ANKRD30B: variants seen among roughly 807,000 people sequenced by gnomAD.
ANKRD30B encodes ankyrin repeat domain-containing protein 30B.
In ANKRD30B, 144 loss-of-function variants were observed where a neutral mutation model predicts 202.2. The observed-to-expected ratio is 0.71, with a 90% CI of 0.62 to 0.82. The LOEUF (loss-of-function observed/expected upper bound fraction) is 0.82. ANKRD30B is among the 40% of genes least tolerant of loss of function. The probability of loss-of-function intolerance (pLI) is 0.00; values close to 1 mark genes in which losing one functional copy is unlikely to be tolerated. For missense variants in ANKRD30B, 1,487 were observed against 1,669.1 expected (o/e 0.89, Z 1.90); for synonymous variants, 508 against 561.3 (o/e 0.91, Z 1.34).
At chr18:14,876,471 T>C in the ANKRD30B span, among the ~76,000 whole-genome samples, 2 of 152,284 alleles carry the variant, frequency 1.3e-5, no homozygotes, top group Non-Finnish European at 2.9e-5. Context: ...TAGCCACAAG[T>C]GATACAACTA....
At chr18:14,794,279 C>T (rs1334825975) in intron 16 of ANKRD30B, among the ~76,000 whole-genome samples, 1 of 151,542 alleles carries the variant, frequency 6.6e-6, no homozygotes, top group African/African-American at 2.4e-5. Context: ...ATTTTAGAAC[C>T]AGAGTTTTCA....
At chr18:14,878,171 AG>A in the ANKRD30B span, among the ~76,000 whole-genome samples, 1 of 152,190 alleles carries the variant, frequency 6.6e-6, no homozygotes, top group Non-Finnish European at 1.5e-5. Flanking sequence ...AAGCAGTCAA[AG>A]AACATTTAAA....
intron 36 of ANKRD30B, among the ~76,000 whole-genome samples, chr18:14,837,946 G>A (rs1250410093): frequency 6.6e-6 from 1 of 152,170 alleles, no homozygotes; most frequent in Non-Finnish European, 1.5e-5. Flanking sequence ...AACCCAGAAG[G>A]TGGAGCTTGC....
At chr18:14,838,274 A>G (rs976810882) in intron 36 of ANKRD30B, among the ~76,000 whole-genome samples, 4 of 152,210 alleles carry the variant, frequency 2.6e-5, no homozygotes, top group Non-Finnish European at 5.9e-5. Flanking sequence ...GATTCTGTGT[A>G]TATCTAGATG....
At chr18:14,893,704 T>C in the ANKRD30B span, among the ~76,000 whole-genome samples, 1 of 151,860 alleles carries the variant, frequency 6.6e-6, no homozygotes, top group Non-Finnish European at 1.5e-5. Flanking sequence ...AAATATGTAA[T>C]ATGCAGATAT....
At chr18:14,903,630 T>C in the ANKRD30B span, 1 of 152,306 alleles carries the variant, frequency 6.6e-6, no homozygotes, top group African/African-American at 2.4e-5. Flanking sequence ...ACAGAGAACG[T>C]TCTCCTCCAG....
intron 9 of ANKRD30B, 30 bp from the exon 10 acceptor site, chr18:14,777,955 C>A (rs1568000675): frequency 2.0e-6 from 3 of 1,482,404 alleles, no homozygotes; most frequent in South Asian, 1.3e-5. Flanking sequence ...AGGAAAAAGA[C>A]AAATTATTTA....
At chr18:14,764,238 G>C in intron 7 of ANKRD30B, 148 bp downstream of exon 7, 2 of 832,414 alleles carry the variant, frequency 2.4e-6, no homozygotes, top group Non-Finnish European at 3.5e-6. Context: ...GAAATAAATA[G>C]ATCTTATTCT....
At chr18:14,934,517 C>T in the ANKRD30B span, among the ~76,000 whole-genome samples, 1 of 152,290 alleles carries the variant, frequency 6.6e-6, no homozygotes, top group East Asian at 1.9e-4. Flanking sequence ...AAGCTTCTGC[C>T]TCAGGTTGCA....
At chr18:14,779,401 C>G (rs149926980) in intron 10 of ANKRD30B, among the ~76,000 whole-genome samples, 3 of 152,188 alleles carry the variant, frequency 2.0e-5, no homozygotes, top group Admixed American at 2.0e-4. Flanking sequence ...ATATGCAGTA[C>G]AAGTTCTTTA....
downstream of ANKRD30B, among the ~76,000 whole-genome samples, chr18:14,855,403 C>T (rs1413396140): frequency 6.6e-6 from 1 of 152,234 alleles, no homozygotes; most frequent in Non-Finnish European, 1.5e-5. Flanking sequence ...ATGGTCCGTT[C>T]CCGATGGTGG....
rs760023949 is a variant in ANKRD30B, at chr18:14,757,894, G to T, written c.697G>T (p.Ala233Ser). Residue 233 changes from alanine (A) to serine (S), a missense_variant, in exon 5 of 44, where the codon GCT becomes TCT. Around this residue, in one of 6 missense-constraint regions of ANKRD30B, gnomAD observed 889 missense variants for 841.4 expected, o/e 1.06. Coordinates refer to ENST00000690538, the MANE Select transcript of ANKRD30B (RefSeq NM_001367607.2). The part of the protein sequence containing the change: ...MLLQQNVDVF[A>S]EDIHGITAER... ...TCTTCAGCAAAATGTTGACGTCTTT[G>T]CTGAAGACATACATGGAATAACTGC... is the stretch of plus-strand genomic sequence containing the variant. The T allele has an allele frequency of 6.2e-7, 1 of 1,612,426 alleles. No homozygotes were observed. The highest frequency in any genetic ancestry group is 8.5e-7 in the Non-Finnish European group (1 of 1,179,164).
the ANKRD30B span, among the ~76,000 whole-genome samples, chr18:14,874,359 T>G: frequency 0.41 from 62,076 of 150,888 alleles, 13,430 homozygotes; most frequent in East Asian, 0.58. Context: ...TGATTTTGCT[T>G]GTGGTTGGCT....
the ANKRD30B span, among the ~76,000 whole-genome samples, chr18:14,885,190 A>T: frequency 1.3e-5 from 2 of 152,046 alleles, no homozygotes; most frequent in Admixed American, 1.3e-4. Context: ...TATTTTAGTT[A>T]TCACTCCTAT....
intron 5 of ANKRD30B, 125 bp downstream of exon 5, chr18:14,758,077 A>G (rs1226079520): frequency 7.9e-6 from 8 of 1,015,340 alleles, no homozygotes; most frequent in Admixed American, 2.8e-5. Context: ...AGTTAGAAGG[A>G]GTACTGGGTC....
At chr18:14,919,300 G>A in the ANKRD30B span, among the ~76,000 whole-genome samples, 1 of 152,188 alleles carries the variant, frequency 6.6e-6, no homozygotes, top group Non-Finnish European at 1.5e-5. Context: ...GCATTTGGTA[G>A]GCCTGACAGG....
chr18:14,934,277 G>A, the ANKRD30B span, among the ~76,000 whole-genome samples: 1 of 152,272 alleles, frequency 6.6e-6, no homozygotes, highest in African/African-American at 2.4e-5. Flanking sequence ...GGGCGTGTCA[G>A]TGCCTATGAG....
the ANKRD30B span, among the ~76,000 whole-genome samples, chr18:14,903,368 G>A: frequency 6.6e-6 from 1 of 152,176 alleles, no homozygotes. Flanking sequence ...GGGAAGAGGA[G>A]ATGGGAATGT....
At chr18:14,837,529 C>A (rs1971231871) in intron 35 of ANKRD30B, 86 bp from the exon 36 acceptor site, 3 of 1,103,294 alleles carry the variant, frequency 2.7e-6, no homozygotes, top group Non-Finnish European at 3.8e-6. Context: ...TTGAAATACT[C>A]ATAAATGGAA....
Sources: allele counts gnomAD v4.1 joint callset (sites outside exome capture counted in the v4.1 genomes callset), GRCh38; gene constraint gnomAD v4.1.1; regional missense constraint gnomAD v4.1.1; transcripts MANE v1.5; gene names NCBI Gene and HGNC (gene_info 2026-07-23, HGNC 2026-07-21).